The following STK17B variants were observed in gnomAD, a reference collection of about 807,000 sequenced individuals.
STK17B encodes the protein serine/threonine-protein kinase 17B.
STK17B carries 21 observed loss-of-function variants against 42.0 expected under a neutral mutation model. The ratio of observed to expected loss-of-function variants is 0.50; its 90% CI spans 0.35 to 0.72. STK17B has a LOEUF of 0.72. Among genes scored for constraint, STK17B ranks in the 30% least tolerant of loss-of-function variants. STK17B has a pLI of 0.00. For missense variants in STK17B, 349 were observed against 446.0 expected, an observed-to-expected ratio of 0.78 and a Z score of 1.96; for synonymous variants, 143 against 148.4, an observed-to-expected ratio of 0.96 and a Z score of 0.26.
Position 196,171,137 on chromosome 2 carries a change from G to T in STK17B, c.-45+196C>A, listed in dbSNP as rs1324161566. On this transcript the variant is annotated intron_variant, in intron 1 of 7. Coordinates refer to ENST00000263955, the MANE Select transcript of STK17B (RefSeq NM_004226.4). ...CCCGCGCGGAGCCCCAGGGAACCCG[G>T]ACTCCAGCCGCAAAGCGGAGAGGCG... 4 of 152,812 alleles carry T rather than the reference G, an allele frequency of 2.6e-5. No homozygotes were observed. In the East Asian group the frequency reaches 7.7e-4, roughly 30 times the overall value. 9.5% of individuals were successfully genotyped at this position (152,812 alleles called of 1,614,324 possible). A position where few individuals can be genotyped will look rare whatever the true frequency, so the allele number is the denominator to read the frequency against.
intron 2 of STK17B, among the ~76,000 whole-genome samples, chr2:196,162,187 T>C (rs1272141433): frequency 6.6e-6 from 1 of 152,226 alleles, no homozygotes. Context: ...GTATATCTTT[T>C]ATAACTTTTC....
At chr2:196,163,153 C>T (rs573939438) in intron 2 of STK17B, 109 bp downstream of exon 2, 3 of 1,331,314 alleles carry the variant, frequency 2.3e-6, no homozygotes, top group African/African-American at 3.0e-5. Flanking sequence ...TCACAACTTT[C>T]CTTCCTAATC....
At chr2:196,144,228 C>T (rs370148170) in intron 4 of STK17B, among the ~76,000 whole-genome samples, 10 of 151,078 alleles carry the variant, frequency 6.6e-5, no homozygotes, top group East Asian at 5.8e-4. Flanking sequence ...TGGTGGCTCA[C>T]GCCTGTAATC....
chr2:196,168,018 GTATTGGTA>G (rs765259246), intron 1 of STK17B, among the ~76,000 whole-genome samples: 6 of 152,210 alleles, frequency 3.9e-5, no homozygotes, highest in African/African-American at 4.8e-5. Context: ...TTGATTAGAA[GTATTGGTA>G]TCAAGATGGA....
At chr2:196,146,119 T>C (rs1052238643) in intron 3 of STK17B, 64 bp from the exon 4 acceptor site, 31 of 1,444,144 alleles carry the variant, frequency 2.1e-5, no homozygotes, top group Admixed American at 5.7e-5. Flanking sequence ...TTAAATATTG[T>C]GTACCTGTTA....
chr2:196,137,709 A>C lies in STK17B; in HGVS notation c.857T>G (p.Ile286Arg), dbSNP rs148605491. 9.9e-6 allele frequency: 16 copies of C among 1,612,462 alleles called. No homozygotes were observed. The Middle Eastern group carries it at 4.9e-4, about 50-fold the overall frequency. ...KNPEKRPTAE[I>R]CLSHSWLQQW... ...CTGTAGCCAAGAATGAGAAAGGCAT[A>C]TCTCTGCTGTTGGTCTTTTCCTTTG... is the stretch of plus-strand genomic sequence containing the variant. Residue 286 changes from isoleucine to arginine, a missense_variant, in exon 8 of 8, where the codon ATA (isoleucine) becomes AGA (arginine). Ile to Arg is a moderately conservative substitution (Grantham distance 97). Around this residue, in one of 3 missense-constraint regions of STK17B, gnomAD observed 256 missense variants for 347.7 expected, o/e 0.74. Coordinates refer to ENST00000263955, the MANE Select transcript of STK17B (RefSeq NM_004226.4).
chr2:196,163,909 C>T (rs942589273), intron 1 of STK17B, among the ~76,000 whole-genome samples: 9 of 151,476 alleles, frequency 5.9e-5, no homozygotes, highest in Admixed American at 3.3e-4. Flanking sequence ...TGTAGTGGCT[C>T]GCACCTGTAG....
intron 7 of STK17B, among the ~76,000 whole-genome samples, chr2:196,138,299 T>C (rs1465378674): frequency 1.3e-5 from 2 of 152,216 alleles, no homozygotes; most frequent in Non-Finnish European, 2.9e-5. Flanking sequence ...CAATAATGCA[T>C]CTCAAGCATT....
intron 6 of STK17B, among the ~76,000 whole-genome samples, chr2:196,140,955 C>T (rs988857647): frequency 3.9e-5 from 6 of 152,182 alleles, no homozygotes; most frequent in Non-Finnish European, 5.9e-5. Flanking sequence ...TTAAGCATTT[C>T]ACCTTCATCA....
Position 196,155,863 on chromosome 2 carries a change from C to T in STK17B, c.335+576G>A, listed in dbSNP as rs953847590. Among the ~76,000 whole-genome samples the T allele has an allele frequency of 2.6e-5, 4 of 152,314 alleles. No individual in the cohort carries two copies. The East Asian group carries it at 5.8e-4, about 22-fold the overall frequency. ...TACTGGGGGTGTTTTCACTTTTTCA[C>T]AGACTTGTGGCAAGAGATATATTTA... On this transcript the variant is annotated intron_variant, in intron 3 of 7. Transcript: ENST00000263955.
Position 196,139,645 on chromosome 2 carries a change from G to C in STK17B, c.811C>G (p.Gln271Glu). 1 of 1,427,108 alleles carries C rather than the reference G, an allele frequency of 7.0e-7. No individual in the cohort carries two copies. The allele number at this position is 1,427,108 out of a possible 1,614,324, so 88.4% of individuals were successfully genotyped here. Reference sequence around the variant, plus strand: ...TCTGGATTTTTTACTAAAAGGCTCTGAATAAAGTCTGTGGCCAGCTGTGAA... The same window carrying C: ...TCTGGATTTTTTACTAAAAGGCTCTCAATAAAGTCTGTGGCCAGCTGTGAA... The part of the protein sequence containing the change: ...SVSQLATDFI[Q>E]SLLVKNPEKR... Residue 271 changes from glutamine (Q) to glutamate (E), a missense_variant, in exon 7 of 8, where the codon CAG (glutamine) becomes GAG (glutamate). Gln to Glu is a conservative substitution (Grantham distance 29). Coordinates refer to ENST00000263955, the MANE Select transcript of STK17B (RefSeq NM_004226.4).
At chr2:196,155,528 T>C (rs1263770755) in intron 3 of STK17B, among the ~76,000 whole-genome samples, 2 of 152,174 alleles carry the variant, frequency 1.3e-5, no homozygotes, top group Non-Finnish European at 2.9e-5. Context: ...ATGATGCAAG[T>C]TAGTTACTAA....
chr2:196,162,282 A>G (rs777759174), intron 2 of STK17B, among the ~76,000 whole-genome samples: 1 of 152,228 alleles, frequency 6.6e-6, no homozygotes, highest in Non-Finnish European at 1.5e-5. Context: ...GTTAAGAGAA[A>G]ACAATTTGTA....
intron 2 of STK17B, among the ~76,000 whole-genome samples, chr2:196,161,166 T>A (rs1050421908): frequency 5.9e-5 from 9 of 152,052 alleles, no homozygotes; most frequent in Non-Finnish European, 7.4e-5. Flanking sequence ...TTCGGGAAAT[T>A]ATAGGAAAGA....
intron 1 of STK17B, among the ~76,000 whole-genome samples, chr2:196,165,015 G>A (rs1411498203): frequency 6.6e-6 from 1 of 152,124 alleles, no homozygotes; most frequent in Non-Finnish European, 1.5e-5. Context: ...TACCAGCTAT[G>A]AGACCTTAAT....
upstream of STK17B, among the ~76,000 whole-genome samples, chr2:196,173,568 C>T (rs1699972118): frequency 6.6e-6 from 1 of 152,228 alleles, no homozygotes; most frequent in African/African-American, 2.4e-5. Context: ...GAGGAGGAGG[C>T]AGTACATCTG....
chr2:196,135,253 T>C lies in STK17B; in HGVS notation c.*2194A>G, dbSNP rs1699380974. ...CTTCAGAAACATAATCATTTCATTA[T>C]CCAATGACTTACTAAACTTTACTTG... On this transcript the variant is annotated 3_prime_UTR_variant, in exon 8 of 8. Transcript: ENST00000263955. The C allele has an allele frequency of 1.3e-5, 2 of 152,190 alleles. No individual in the cohort carries two copies. Among genetic ancestry groups the C allele is most frequent in the Admixed American group, 1.3e-4 (2 of 15,274 alleles). 9.4% of individuals were successfully genotyped at this position (152,190 alleles called of 1,614,324 possible).
chr2:196,151,276 C>T lies in STK17B; in HGVS notation c.335+5163G>A, dbSNP rs1699662258. On this transcript the variant is annotated intron_variant, in intron 3 of 7. Coordinates refer to ENST00000263955, the MANE Select transcript of STK17B (RefSeq NM_004226.4). The stretch of plus-strand genomic sequence containing the variant: ...TTTTTTTTTTTTGAGACGACTCTCG[C>T]TCTGTCGCCCAGACTGGGGTGCAGT... 3 of 152,140 alleles carry T rather than the reference C, an allele frequency of 2.0e-5. No individual in the cohort carries two copies. In the South Asian group the frequency reaches 6.2e-4, roughly 32 times the overall value. The allele number at this position is 152,140 out of a possible 1,614,324, so 9.4% of individuals were successfully genotyped here.
chr2:196,166,776 C>T (rs995995558), intron 1 of STK17B, among the ~76,000 whole-genome samples: 8 of 152,028 alleles, frequency 5.3e-5, no homozygotes, highest in Non-Finnish European at 8.8e-5. Flanking sequence ...GTGATGTGAA[C>T]AAAAGCAAGA....
Sources: gnomAD v4.1 joint callset for allele counts (sites outside exome capture counted in the v4.1 genomes callset) on GRCh38, gnomAD v4.1.1 for gene constraint, gnomAD v4.1.1 regional missense constraint, MANE v1.5 for transcripts, NCBI Gene and HGNC (gene_info 2026-07-23, HGNC 2026-07-21) for gene names.